The following LPIN1 variants were observed in gnomAD, a reference collection of about 807,000 sequenced individuals.
LPIN1 encodes the protein phosphatidate phosphatase LPIN1.
LPIN1 carries 71 observed loss-of-function variants against 107.5 expected under a neutral mutation model. That is an observed-to-expected ratio of 0.66 (90% CI 0.55 to 0.80). The LOEUF (loss-of-function observed/expected upper bound fraction) is 0.80, where lower values mean the gene tolerates loss of function less well. LPIN1 is among the 30% of genes least tolerant of loss of function. The pLI, the probability that LPIN1 is intolerant of heterozygous loss-of-function variation, is 0.00. For missense variants in LPIN1, 1,043 were observed against 1,160.6 expected, an observed-to-expected ratio of 0.90 and a Z score of 1.47; for synonymous variants, 445 against 452.6, an observed-to-expected ratio of 0.98 and a Z score of 0.21.
rs150971108 is a variant in LPIN1 at position 11,762,620 on chromosome 2, G to A, written c.-9-2913G>A. On this transcript the variant is annotated intron_variant, in intron 1 of 20. Coordinates refer to ENST00000674199, the MANE Select transcript of LPIN1 (RefSeq NM_001349206.2). ...ACCTTTATTGCTCTGGAGCTAAGGA[G>A]CTATTTCAGGAGCAGGGGAGGAAAA... Among the ~76,000 whole-genome samples the A allele has an allele frequency of 3.9e-5, 6 of 152,340 alleles. No homozygotes were observed. In the East Asian group the frequency reaches 1.2e-3, roughly 29 times the overall value.
chr2:11,817,454 A>G (rs576990366), intron 18 of LPIN1: 1 of 152,370 alleles, frequency 6.6e-6, no homozygotes, highest in African/African-American at 2.4e-5. Flanking sequence ...GTGTATTACC[A>G]AAGTCTTCTC....
chr2:11,684,746 C>A (rs368919479), intron 1 of LPIN1, among the ~76,000 whole-genome samples: 3 of 151,878 alleles, frequency 2.0e-5, no homozygotes, highest in African/African-American at 7.3e-5. Flanking sequence ...TCCCTCCCTC[C>A]CTTCCTTCCA....
At chr2:11,726,779 G>A (rs1380850420) in intron 1 of LPIN1, among the ~76,000 whole-genome samples, 1 of 152,204 alleles carries the variant, frequency 6.6e-6, no homozygotes, top group African/African-American at 2.4e-5. Flanking sequence ...GATCCTCAAT[G>A]TAGTGAGTTG....
chr2:11,807,263 T>C (rs757191024), intron 17 of LPIN1, among the ~76,000 whole-genome samples: 1 of 152,228 alleles, frequency 6.6e-6, no homozygotes, highest in Non-Finnish European at 1.5e-5. Flanking sequence ...TGTGCTGCTG[T>C]AGGTGGCGTA....
chr2:11,782,570 A>G, intron 8 of LPIN1, 63 bp downstream of exon 8: 8 of 1,589,580 alleles, frequency 5.0e-6, no homozygotes, highest in Non-Finnish European at 6.9e-6. Context: ...TCTACACATG[A>G]CAGGTCCTTT....
chr2:11,824,884 G>A lies in LPIN1; in HGVS notation c.*93G>A. ...CCGGAGTGCACAGCTCCACCTGGGA[G>A]CCTGGCGCGTCATCATTGGCCTGAC... On this transcript the variant is annotated 3_prime_UTR_variant, in exon 21 of 21. Transcript: ENST00000674199. The A allele has an allele frequency of 7.0e-7, 1 of 1,433,012 alleles. No individual in the cohort carries two copies. The highest frequency in any genetic ancestry group is 9.8e-7 in the Non-Finnish European group (1 of 1,025,352). The allele number at this position is 1,433,012 out of a possible 1,614,324, so 88.8% of individuals were successfully genotyped here. A position where few individuals can be genotyped will look rare whatever the true frequency, so the allele number is the denominator to read the frequency against.
chr2:11,784,807 A>G (rs1408925997), intron 9 of LPIN1, 79 bp from the exon 10 acceptor site: 1 of 1,380,190 alleles, frequency 7.2e-7, no homozygotes, highest in Non-Finnish European at 1.0e-6. Context: ...GCCGCGTGCC[A>G]GAGCATCACT....
intron 1 of LPIN1, among the ~76,000 whole-genome samples, chr2:11,756,679 G>T (rs1277090796): frequency 6.6e-6 from 1 of 152,222 alleles, no homozygotes; most frequent in Non-Finnish European, 1.5e-5. Flanking sequence ...TTATAGGCGT[G>T]AGTGCCCGGC....
chr2:11,696,128 G>A (rs11893735), intron 1 of LPIN1, among the ~76,000 whole-genome samples: 26,138 of 147,096 alleles, frequency 0.18, 2,906 homozygotes, highest in South Asian at 0.25. Flanking sequence ...ATAGGTATAC[G>A]TGTGCCATGG....
At position 11,824,831 on chromosome 2, in the gene LPIN1, G is replaced by A; in HGVS notation, c.*40G>A. On this transcript the variant is annotated 3_prime_UTR_variant, in exon 21 of 21. Transcript: ENST00000674199. ...CCTCTTGCCAGCAGTGCAGAGCCTG[G>A]TTGTCACCCATTAAAGGATAGGTCT... The A allele has an allele frequency of 1.2e-6, 2 of 1,612,790 alleles. No individual in the cohort carries two copies. Among genetic ancestry groups the A allele is most frequent in the Non-Finnish European group, 1.7e-6 (2 of 1,179,138 alleles).
chr2:11,795,456 G>C lies in LPIN1; in HGVS notation c.1855G>C (p.Glu619Gln). The C allele has an allele frequency of 6.2e-7, 1 of 1,614,146 alleles. No homozygotes were observed. The highest frequency in any genetic ancestry group is 8.5e-7 in the Non-Finnish European group (1 of 1,180,040). Residue 619 changes from glutamate (E) to glutamine (Q), a missense_variant, in exon 14 of 21, where the codon GAG becomes CAG. Transcript: ENST00000674199. ...CLAGKAHSTG[E>Q]QPPQLSLATR... ...GGCTGGCAAGGCCCATAGCACCGGAGAGCAACCGCCGCAGCTCAGCTTGGC... is the reference window on the plus strand; with the variant it reads ...GGCTGGCAAGGCCCATAGCACCGGACAGCAACCGCCGCAGCTCAGCTTGGC...
At chr2:11,785,890 G>T (rs1466204455) in intron 10 of LPIN1, among the ~76,000 whole-genome samples, 1 of 152,160 alleles carries the variant, frequency 6.6e-6, no homozygotes, top group African/African-American at 2.4e-5. Flanking sequence ...AGTCCCTTGA[G>T]AGCGGAAACA....
intron 1 of LPIN1, among the ~76,000 whole-genome samples, chr2:11,688,573 G>C (rs1289357910): frequency 6.6e-6 from 1 of 152,174 alleles, no homozygotes; most frequent in East Asian, 1.9e-4. Flanking sequence ...TCGGGTCCCG[G>C]TGTCCTGGCC....
intron 1 of LPIN1, among the ~76,000 whole-genome samples, chr2:11,761,305 T>G (rs1402489567): frequency 6.6e-6 from 1 of 152,220 alleles, no homozygotes. Context: ...CCACTGCACC[T>G]TTTTTGCATG....
intron 1 of LPIN1, among the ~76,000 whole-genome samples, chr2:11,680,112 A>G (rs1328080231): frequency 6.6e-6 from 1 of 152,076 alleles, no homozygotes; most frequent in African/African-American, 2.4e-5. Flanking sequence ...ACAGCAGTCC[A>G]GGAATGCTGA....
chr2:11,712,539 G>A (rs1285546426), intron 1 of LPIN1, among the ~76,000 whole-genome samples: 2 of 152,174 alleles, frequency 1.3e-5, no homozygotes, highest in Non-Finnish European at 2.9e-5. Flanking sequence ...AGTACCTAGC[G>A]AAGTACATGA....
intron 4 of LPIN1, among the ~76,000 whole-genome samples, chr2:11,772,961 C>A (rs1672098890): frequency 6.6e-6 from 1 of 152,138 alleles, no homozygotes; most frequent in South Asian, 2.1e-4. Flanking sequence ...GGCTTAGAAC[C>A]AGCGTCATTG....
At chr2:11,703,619 A>G (rs1662992111) in intron 1 of LPIN1, among the ~76,000 whole-genome samples, 1 of 152,212 alleles carries the variant, frequency 6.6e-6, no homozygotes, top group South Asian at 2.1e-4. Context: ...TCACGGAAGT[A>G]CAAACTGTAT....
chr2:11,814,110 GCT>G (rs940808806), intron 17 of LPIN1, among the ~76,000 whole-genome samples: 3 of 152,238 alleles, frequency 2.0e-5, no homozygotes, highest in African/African-American at 7.2e-5. Context: ...GCGTTTTGAG[GCT>G]GGCAGAGCTG....
Sources: gnomAD v4.1 joint callset for allele counts (sites outside exome capture counted in the v4.1 genomes callset) on GRCh38, gnomAD v4.1.1 for gene constraint, MANE v1.5 for transcripts, NCBI Gene and HGNC (gene_info 2026-07-23, HGNC 2026-07-21) for gene names.